Variants in ZC3H6 observed in about 807,000 individuals in gnomAD.
The protein encoded by ZC3H6 is zinc finger CCCH-type containing 6, also known as zinc finger CCCH domain-containing protein 6.
ZC3H6 carries 40 observed loss-of-function variants against 107.7 expected under a neutral mutation model. The observed-to-expected ratio is 0.37, with a 90% CI of 0.29 to 0.48. ZC3H6 has a LOEUF of 0.48. Among genes scored for constraint, ZC3H6 ranks in the 20% least tolerant of loss-of-function variants. ZC3H6 has a pLI of 0.98. For synonymous variants in ZC3H6, 493 were observed against 487.9 expected (o/e 1.01, Z -0.14); for missense variants, 1,267 against 1,410.4 (o/e 0.90, Z 1.63).
intron 1 of ZC3H6, chr2:112,286,038 A>C (rs1006244074): frequency 3.9e-6 from 1 of 259,720 alleles, no homozygotes; most frequent in African/African-American, 2.3e-5. Context: ...GCAAGAATAC[A>C]TAGTCATCAT....
chr2:112,317,183 C>A, intron 6 of ZC3H6, 38 bp from the exon 7 acceptor site: 1 of 1,151,238 alleles, frequency 8.7e-7, no homozygotes, highest in East Asian at 3.0e-5. Flanking sequence ...TGTTTCTTAC[C>A]TTTTTTTCTT....
intron 1 of ZC3H6, among the ~76,000 whole-genome samples, chr2:112,278,969 G>T (rs1417247400): frequency 6.6e-6 from 1 of 152,060 alleles, no homozygotes; most frequent in Non-Finnish European, 1.5e-5. Flanking sequence ...TTTGCCAAAT[G>T]AATAATTTAA....
At chr2:112,286,128 T>A (rs1686602770) in intron 1 of ZC3H6, 1 of 386,278 alleles carries the variant, frequency 2.6e-6, no homozygotes, top group Non-Finnish European at 4.9e-6. Context: ...TCCATGTCAG[T>A]TTTAAAAACA....
At chr2:112,300,196 T>C (rs1676343325) in intron 2 of ZC3H6, among the ~76,000 whole-genome samples, 167 bp downstream of exon 2, 1 of 152,182 alleles carries the variant, frequency 6.6e-6, no homozygotes, top group Non-Finnish European at 1.5e-5. Flanking sequence ...ATCTTAAAGA[T>C]TTAAAAAGTA....
intron 1 of ZC3H6, among the ~76,000 whole-genome samples, chr2:112,290,006 G>A (rs1676074683): frequency 6.6e-6 from 1 of 152,176 alleles, no homozygotes; most frequent in Non-Finnish European, 1.5e-5. Context: ...CTTCCAAAGT[G>A]CTGGGATTAT....
Position 112,331,590 on chromosome 2 carries a change from A to T in ZC3H6, c.2672A>T (p.Lys891Ile). The T allele has an allele frequency of 6.2e-7, 1 of 1,613,904 alleles. No individual in the cohort carries two copies. The highest frequency in any genetic ancestry group is 8.5e-7 in the Non-Finnish European group (1 of 1,179,860). Residue 891 changes from lysine (K) to isoleucine (I), a missense_variant, in exon 12 of 12, where the codon AAA (lysine) becomes ATA (isoleucine). This residue lies in a region of ZC3H6 where 925 missense variants were observed against 1,025.7 expected (regional missense o/e 0.90). Coordinates refer to ENST00000409871, the MANE Select transcript of ZC3H6 (RefSeq NM_198581.3). ...PEDLLPVPLP[K>I]PDPVSSINLP... ...GACTTACTTCCAGTACCTTTACCTA[A>T]ACCTGATCCAGTGTCTTCAATCAAT...
intron 2 of ZC3H6, among the ~76,000 whole-genome samples, chr2:112,301,367 A>G (rs774634496): frequency 1.3e-5 from 2 of 152,228 alleles, no homozygotes; most frequent in Non-Finnish European, 2.9e-5. Flanking sequence ...AGAAACAGGC[A>G]TATAGGGCCA....
intron 5 of ZC3H6, 29 bp from the exon 6 acceptor site, chr2:112,316,441 T>C: frequency 7.4e-7 from 1 of 1,353,128 alleles, no homozygotes. Flanking sequence ...TTTCATATGC[T>C]GCATTCAAAT....
At chr2:112,291,302 C>G (rs1231208525) in intron 1 of ZC3H6, among the ~76,000 whole-genome samples, 1 of 152,072 alleles carries the variant, frequency 6.6e-6, no homozygotes, top group Admixed American at 6.5e-5. Context: ...GGCACGATCT[C>G]AGTTCACTGC....
intron 6 of ZC3H6, among the ~76,000 whole-genome samples, chr2:112,316,922 G>C (rs1042991338): frequency 6.6e-6 from 1 of 152,182 alleles, no homozygotes; most frequent in African/African-American, 2.4e-5. Context: ...ATGGCACCAA[G>C]AGGTTAAGTA....
rs892564756 is a variant in ZC3H6 at position 112,339,677 on chromosome 2, C to T, written c.*7189C>T. On this transcript the variant is annotated 3_prime_UTR_variant, in exon 12 of 12. Coordinates refer to ENST00000409871, the MANE Select transcript of ZC3H6 (RefSeq NM_198581.3). ...CAAGCAATATCTGTGGGCTGAAATCCAGGTTATACCTATTCACTATGACTT... is the reference window on the plus strand; with the variant it reads ...CAAGCAATATCTGTGGGCTGAAATCTAGGTTATACCTATTCACTATGACTT... 1.3e-5 allele frequency: 2 copies of T among 151,714 alleles called. No homozygotes were observed. The highest frequency in any genetic ancestry group is 6.6e-5 in the Admixed American group (1 of 15,238). 9.4% of individuals were successfully genotyped at this position (151,714 alleles called of 1,614,324 possible).
chr2:112,321,178 CAA>C (rs1387263568), intron 7 of ZC3H6, among the ~76,000 whole-genome samples: 3 of 151,888 alleles, frequency 2.0e-5, no homozygotes, highest in Non-Finnish European at 2.9e-5. Context: ...CGTTTGTCTC[CAA>C]AATCCTAAGA....
chr2:112,297,202 C>T (rs1316452559), intron 1 of ZC3H6, among the ~76,000 whole-genome samples: 1 of 152,142 alleles, frequency 6.6e-6, no homozygotes, highest in South Asian at 2.1e-4. Context: ...TCAGCAGTTA[C>T]CAACTCATGG....
chr2:112,297,231 C>G (rs976799429), intron 1 of ZC3H6, among the ~76,000 whole-genome samples: 1 of 152,206 alleles, frequency 6.6e-6, no homozygotes, highest in Non-Finnish European at 1.5e-5. Flanking sequence ...ATTAAGACCA[C>G]GTCCACTATC....
Position 112,331,381 on chromosome 2 carries a change from CGAT to C in ZC3H6, c.2475_2477del (p.Asp825del). On this transcript the variant is annotated inframe_deletion, in exon 12 of 12. Transcript: ENST00000409871. ...GCACTAATGTCAAACACAAAAGAGGCGATGATGATGATGAAGATACAGAAAGAG... is the reference window on the plus strand; with the variant it reads ...GCACTAATGTCAAACACAAAAGAGGCGATGATGATGAAGATACAGAAAGAG... 6.2e-7 allele frequency: 1 copy of C among 1,613,448 alleles called. No individual in the cohort carries two copies. The highest frequency in any genetic ancestry group is 8.5e-7 in the Non-Finnish European group (1 of 1,179,796).
chr2:112,301,000 A>G (rs1422068712), intron 2 of ZC3H6, among the ~76,000 whole-genome samples: 1 of 152,244 alleles, frequency 6.6e-6, no homozygotes, highest in Non-Finnish European at 1.5e-5. Flanking sequence ...ATAAACCTAA[A>G]AAGTACAAAT....
In ZC3H6 at chr2:112,331,205, A is replaced by T; in HGVS notation, c.2287A>T (p.Ile763Phe). The change falls in exon 12 of 12, where the codon ATC becomes TTC. Residue 763 changes from isoleucine to phenylalanine, a missense_variant. By Grantham distance (21) the Ile-to-Phe change is conservative. Around this residue, in one of 3 missense-constraint regions of ZC3H6, gnomAD observed 925 missense variants for 1,025.7 expected, o/e 0.90. Transcript: ENST00000409871. The stretch of plus-strand genomic sequence containing the variant: ...AGTGGTTGACCCTAGGCTTAGGACT[A>T]TCCCAAGGCAAGACATTAGAAAGCC... ...NQVVDPRLRT[I>F]PRQDIRKPSE... is the part of the protein sequence containing the mutation. 7 of 1,613,470 alleles carry T rather than the reference A, an allele frequency of 4.3e-6. No individual in the cohort carries two copies. Among genetic ancestry groups the T allele is most frequent in the Non-Finnish European group, 5.9e-6 (7 of 1,179,738 alleles).
rs138782772 is a variant in ZC3H6, at chr2:112,305,725, A to G, written c.336+2374A>G. Among the ~76,000 whole-genome samples the G allele has an allele frequency of 2.0e-3, 299 of 152,256 alleles. 5 individuals are homozygous for G. In the East Asian group the frequency reaches 0.034, roughly 17 times the overall value. ...ATCTTATAGCACAGGTTTGCTATCA[A>G]ATTCTCTCAGTTTTTATTTATTAGG... is the stretch of plus-strand genomic sequence containing the variant. On this transcript the variant is annotated intron_variant, in intron 3 of 11. Coordinates refer to ENST00000409871, the MANE Select transcript of ZC3H6 (RefSeq NM_198581.3).
At position 112,297,214 on chromosome 2, in the gene ZC3H6, C is replaced by T. The variant is rs544517193; in HGVS notation, c.33-2635C>T. ...GTTTCAGCAGTTACCAACTCATGGC[C>T]AATCTTATTAAGACCACGTCCACTA... On this transcript the variant is annotated intron_variant, in intron 1 of 11. Transcript: ENST00000409871. Among the ~76,000 whole-genome samples, 4 of 152,244 alleles carry T rather than the reference C, an allele frequency of 2.6e-5. No individual in the cohort carries two copies. The South Asian group carries it at 6.2e-4, about 24-fold the overall frequency.
Sources: gnomAD v4.1 joint callset for allele counts (sites outside exome capture counted in the v4.1 genomes callset) on GRCh38, gnomAD v4.1.1 for gene constraint, gnomAD v4.1.1 regional missense constraint, MANE v1.5 for transcripts, NCBI Gene and HGNC (gene_info 2026-07-23, HGNC 2026-07-21) for gene names.